The following DMD variants were observed in gnomAD, a reference collection of about 807,000 sequenced individuals.
The protein encoded by DMD is dystrophin.
A neutral mutation model predicts 330.1 loss-of-function variants in DMD; 63 were observed. The ratio of observed to expected loss-of-function variants is 0.19; its 90% CI spans 0.16 to 0.24. DMD has a LOEUF of 0.24. DMD is among the 10% of genes least tolerant of loss of function. The pLI is 1.00. For synonymous variants in DMD, 1,223 were observed against 959.8 expected (o/e 1.27, Z -5.07); for missense variants, 3,344 against 2,684.1 (o/e 1.25, Z -5.43).
intron 21 of DMD, among the ~76,000 whole-genome samples, chrX:32,480,794 T>G (rs185942847): frequency 1.8e-5 from 2 of 110,488 alleles, no homozygotes; most frequent in East Asian, 5.7e-4. Context: ...ATAGCTTGCT[T>G]AAATAAACAT....
intron 50 of DMD, among the ~76,000 whole-genome samples, chrX:31,809,169 T>TTATATATAAATATATATGAGTTTA (rs1569440158): frequency 3.2e-4 from 32 of 98,571 alleles, no homozygotes; most frequent in African/African-American, 6.8e-4. Context: ...ATATATGAGT[T>TTATATATAAATATATATGAGTTTA]TATATATATA....
At chrX:31,787,239 T>C (rs756997271) in intron 50 of DMD, among the ~76,000 whole-genome samples, 145 of 110,695 alleles carry the variant, frequency 1.3e-3, no homozygotes, top group African/African-American at 4.7e-3. Context: ...GGCGTGGTGG[T>C]GCATGGCTGT....
In DMD at chrX:32,164,727, C is replaced by G. The variant is rs538407264; in HGVS notation, c.6438+52189G>C. Among the ~76,000 whole-genome samples, 15 of 111,096 alleles carry G rather than the reference C, an allele frequency of 1.4e-4. No homozygotes were observed. The South Asian group carries it at 5.8e-3, about 43-fold the overall frequency. On this transcript the variant is annotated intron_variant, in intron 44 of 78. Transcript: ENST00000357033. ...AATGTCTCCAGGGCAAGTCAGAGAC[C>G]TTCATTGCGGCTCCTCCCATCACAG...
In DMD at chrX:32,705,375, A is replaced by G. The variant is rs982334040; in HGVS notation, c.650-6082T>C. ...GAAGATGATTGAATTTCATCATAAAATTAATAACGATAAAAAGTAATGGCC... is the reference window on the plus strand; with the variant it reads ...GAAGATGATTGAATTTCATCATAAAGTTAATAACGATAAAAAGTAATGGCC... On this transcript the variant is annotated intron_variant, in intron 7 of 78. Transcript: ENST00000357033. Among the ~76,000 whole-genome samples the G allele has an allele frequency of 3.6e-5, 4 of 112,409 alleles. No homozygotes were observed. The East Asian group carries it at 1.1e-3, about 31-fold the overall frequency.
intron 44 of DMD, among the ~76,000 whole-genome samples, chrX:32,114,133 C>A (rs1197619547): frequency 8.9e-6 from 1 of 111,957 alleles, no homozygotes; most frequent in Non-Finnish European, 1.9e-5. Flanking sequence ...ATAAGAATTA[C>A]ATTGTTTGTA....
intron 1 of DMD, among the ~76,000 whole-genome samples, chrX:33,267,798 G>C (rs998037618): frequency 8.1e-5 from 9 of 111,132 alleles, no homozygotes; most frequent in African/African-American, 2.9e-4. Flanking sequence ...ACAAGCAATG[G>C]TAAAAGGACT....
At chrX:32,679,337 G>GTTT (rs1325322911) in intron 9 of DMD, among the ~76,000 whole-genome samples, 1 of 104,055 alleles carries the variant, frequency 9.6e-6, no homozygotes, top group African/African-American at 3.5e-5. Flanking sequence ...CGAGGTTTTG[G>GTTT]TTTTTTTTTT....
intron 12 of DMD, among the ~76,000 whole-genome samples, chrX:32,612,775 T>C (rs1021438508): frequency 9.0e-6 from 1 of 111,319 alleles, no homozygotes; most frequent in Non-Finnish European, 1.9e-5. Context: ...ACAGTTGATG[T>C]TTTTTTCCTG....
At chrX:31,581,048 C>T (rs975267398) in intron 55 of DMD, among the ~76,000 whole-genome samples, 1 of 111,878 alleles carries the variant, frequency 8.9e-6, no homozygotes, top group Non-Finnish European at 1.9e-5. Flanking sequence ...TACTAAGCTG[C>T]GTGAAAACTT....
At chrX:32,653,921 T>C (rs1358264992) in intron 9 of DMD, among the ~76,000 whole-genome samples, 2 of 111,953 alleles carry the variant, frequency 1.8e-5, no homozygotes, top group African/African-American at 6.5e-5. Context: ...TTTGAAGCAA[T>C]TGTGAATGGA....
chrX:31,488,819 T>G (rs2069022042), intron 57 of DMD, among the ~76,000 whole-genome samples: 1 of 111,945 alleles, frequency 8.9e-6, no homozygotes, highest in Middle Eastern at 4.2e-3. Context: ...AGTCAACTTC[T>G]AAACACATAA....
At chrX:32,144,851 G>T (rs1299469522) in intron 44 of DMD, among the ~76,000 whole-genome samples, 1 of 110,907 alleles carries the variant, frequency 9.0e-6, no homozygotes, top group Non-Finnish European at 1.9e-5. Context: ...TGGCCAACAT[G>T]GTGAACCCCT....
intron 49 of DMD, among the ~76,000 whole-genome samples, chrX:31,831,794 G>A (rs1262055816): frequency 2.7e-5 from 3 of 111,537 alleles, no homozygotes; most frequent in African/African-American, 9.8e-5. Context: ...AGTAGAGATG[G>A]GGTTTCACCA....
intron 1 of DMD, among the ~76,000 whole-genome samples, chrX:33,051,440 G>A (rs1468225325): frequency 9.2e-6 from 1 of 108,480 alleles, no homozygotes; most frequent in Non-Finnish European, 1.9e-5. Context: ...TCAAACTCCT[G>A]TCTTCAAGTG....
At chrX:31,219,053 T>C (rs1471431487) in intron 64 of DMD, among the ~76,000 whole-genome samples, 1 of 111,539 alleles carries the variant, frequency 9.0e-6, no homozygotes, top group Non-Finnish European at 1.9e-5. Flanking sequence ...ACCTTCAAAA[T>C]AATGTTCATC....
chrX:31,611,931 G>C (rs191993021), intron 55 of DMD, among the ~76,000 whole-genome samples: 1 of 111,268 alleles, frequency 9.0e-6, no homozygotes, highest in East Asian at 2.8e-4. Flanking sequence ...GAGATATTTT[G>C]ATATAGGCCT....
intron 53 of DMD, among the ~76,000 whole-genome samples, chrX:31,661,954 C>T (rs1052100818): frequency 4.9e-4 from 55 of 111,465 alleles, no homozygotes; most frequent in African/African-American, 1.8e-3. Flanking sequence ...TTTTTTTCTA[C>T]TTTAATTGTT....
In DMD at chrX:32,054,363, G is replaced by T. The variant is rs756837672; in HGVS notation, c.6439-85849C>A. Among the ~76,000 whole-genome samples, 203 of 68,501 alleles carry T rather than the reference G, an allele frequency of 3.0e-3. 2 individuals carry two copies. Among genetic ancestry groups the T allele is most frequent in the African/African-American group, 0.011 (184 of 16,169 alleles). 59.5% of individuals were successfully genotyped at this position (68,501 alleles called of 115,157 possible). On this transcript the variant is annotated intron_variant, in intron 44 of 78. Coordinates refer to ENST00000357033, the MANE Select transcript of DMD (RefSeq NM_004006.3). ...CCACCCTCCCCCCACCCCACAACAG[G>T]CCCCGGTGTGTGATGTTCCCCTTCC...
chrX:32,433,684 A>G lies in DMD; in HGVS notation c.4071+4557T>C, dbSNP rs764594160. Among the ~76,000 whole-genome samples the G allele has an allele frequency of 2.2e-4, 25 of 111,728 alleles. No homozygotes were observed. The East Asian group carries it at 6.2e-3, about 28-fold the overall frequency. On this transcript the variant is annotated intron_variant, in intron 29 of 78. Transcript: ENST00000357033. ...CAGGGAAAGACTCCATCTCAAAAAA[A>G]GAAAAAACAAAAACAAAAACCACCA...
Sources: allele counts gnomAD v4.1 joint callset (sites outside exome capture counted in the v4.1 genomes callset), GRCh38; gene constraint gnomAD v4.1.1; transcripts MANE v1.5; gene names NCBI Gene and HGNC (gene_info 2026-07-23, HGNC 2026-07-21).